Variants in NFIA observed in about 807,000 individuals in gnomAD.
NFIA encodes the protein nuclear factor I A.
A neutral mutation model predicts 62.8 loss-of-function variants in NFIA; 8 were observed. That is an observed-to-expected ratio of 0.13 (90% confidence interval 0.07 to 0.23). The LOEUF (loss-of-function observed/expected upper bound fraction) is 0.23, where lower values mean the gene tolerates loss of function less well. NFIA is among the 10% of genes least tolerant of loss of function. The probability of loss-of-function intolerance (pLI) is 1.00; values close to 1 mark genes in which losing one functional copy is unlikely to be tolerated. For synonymous variants in NFIA, 235 were observed against 238.1 expected (o/e 0.99, Z 0.12); for missense variants, 410 against 642.1 (o/e 0.64, Z 3.91).
chr1:61,215,637 GA>G (rs1267296941), intron 2 of NFIA, among the ~76,000 whole-genome samples: 1 of 152,092 alleles, frequency 6.6e-6, no homozygotes, highest in Non-Finnish European at 1.5e-5. Context: ...AAGTAAATGA[GA>G]TAAGCCAATT....
At chr1:61,144,917 C>T (rs537849378) in intron 2 of NFIA, among the ~76,000 whole-genome samples, 3 of 24,194 alleles carry the variant, frequency 1.2e-4, no homozygotes, top group South Asian at 1.3e-3. Context: ...AGCATCAAGG[C>T]GCACCTGACA....
chr1:61,438,899 C>T (rs1196682082), intron 10 of NFIA, among the ~76,000 whole-genome samples: 2 of 151,722 alleles, frequency 1.3e-5, no homozygotes, highest in Non-Finnish European at 2.9e-5. Context: ...ACTGAAATAC[C>T]GCAGGGACTT....
chr1:61,199,516 GT>G (rs1259279550), intron 2 of NFIA, among the ~76,000 whole-genome samples: 1 of 152,104 alleles, frequency 6.6e-6, no homozygotes, highest in African/African-American at 2.4e-5. Flanking sequence ...TATCTCGTGA[GT>G]AGTAGACATG....
In NFIA at chr1:61,100,751, C is replaced by G. The variant is rs1431139832; in HGVS notation, c.559+12071C>G. Among the ~76,000 whole-genome samples, 7 of 151,998 alleles carry G rather than the reference C, an allele frequency of 4.6e-5. No homozygotes were observed. The East Asian group carries it at 1.4e-3, about 30-fold the overall frequency. ...GGGACTAAAGGTGAATCCCAACACC[C>G]TGGGCTAACTTAAAAAAATATTTTG... On this transcript the variant is annotated intron_variant, in intron 2 of 10. Transcript: ENST00000403491.
chr1:61,168,585 G>A (rs1452383742), intron 2 of NFIA, among the ~76,000 whole-genome samples: 2 of 152,176 alleles, frequency 1.3e-5, no homozygotes, highest in Non-Finnish European at 2.9e-5. Context: ...TGAAGATTAT[G>A]AACACCAACA....
intron 4 of NFIA, among the ~76,000 whole-genome samples, chr1:61,347,669 T>C (rs1662314295): frequency 6.6e-6 from 1 of 152,174 alleles, no homozygotes; most frequent in South Asian, 2.1e-4. Context: ...CCTAGCACAT[T>C]CTTTGCATTT....
intron 2 of NFIA, chr1:61,125,218 T>G (rs1029752851): frequency 1.3e-5 from 2 of 152,224 alleles, no homozygotes; most frequent in Non-Finnish European, 2.9e-5. Context: ...TGTTGTTGTT[T>G]ATGAATGGCC....
chr1:61,388,191 G>A (rs115261718), intron 7 of NFIA, among the ~76,000 whole-genome samples: 3,690 of 152,266 alleles, frequency 0.024, 57 homozygotes, highest in Non-Finnish European at 0.04. Context: ...ATATCCTATC[G>A]ATAGGGGGAA....
At chr1:61,163,102 CT>C (rs1649326780) in intron 2 of NFIA, among the ~76,000 whole-genome samples, 1 of 151,912 alleles carries the variant, frequency 6.6e-6, no homozygotes, top group African/African-American at 2.4e-5. Flanking sequence ...AAGGAAGTGC[CT>C]TTTGAAAAAA....
chr1:61,254,410 G>A (rs1656242645), intron 2 of NFIA, among the ~76,000 whole-genome samples: 1 of 152,144 alleles, frequency 6.6e-6, no homozygotes, highest in South Asian at 2.1e-4. Flanking sequence ...CAAGGATCCA[G>A]TAAATGATAG....
At chr1:61,436,192 A>G (rs560512411) in intron 10 of NFIA, among the ~76,000 whole-genome samples, 1 of 152,254 alleles carries the variant, frequency 6.6e-6, no homozygotes, top group Admixed American at 6.5e-5. Flanking sequence ...CAGAGTGCTT[A>G]CCAAACAGGC....
At chr1:61,352,657 G>A (rs755933931) in intron 5 of NFIA, 90 bp downstream of exon 5, 47 of 1,004,018 alleles carry the variant, frequency 4.7e-5, no homozygotes, top group African/African-American at 1.9e-4. Context: ...TTAGCAATGC[G>A]CCTTTAGTAA....
intron 2 of NFIA, among the ~76,000 whole-genome samples, chr1:61,194,652 G>T (rs1221824066): frequency 6.6e-6 from 1 of 152,170 alleles, no homozygotes; most frequent in South Asian, 2.1e-4. Flanking sequence ...ATATGGCCTT[G>T]ACTTCACCCT....
At chr1:61,227,657 TC>T (rs1362347917) in intron 2 of NFIA, among the ~76,000 whole-genome samples, 1 of 152,220 alleles carries the variant, frequency 6.6e-6, no homozygotes, top group Non-Finnish European at 1.5e-5. Context: ...TTCATGTTTT[TC>T]TTCTTTTATG....
At chr1:61,183,824 C>G (rs1204549315) in intron 2 of NFIA, among the ~76,000 whole-genome samples, 1 of 152,004 alleles carries the variant, frequency 6.6e-6, no homozygotes, top group Non-Finnish European at 1.5e-5. Context: ...CCCTTTCCAC[C>G]GTGACATGGT....
chr1:61,159,724 C>T (rs1277155753), intron 2 of NFIA, among the ~76,000 whole-genome samples: 9 of 145,984 alleles, frequency 6.2e-5, no homozygotes, highest in Non-Finnish European at 8.9e-5. Context: ...CTCTGTTGCC[C>T]GGGCTGGAGT....
intron 3 of NFIA, among the ~76,000 whole-genome samples, chr1:61,293,935 G>C (rs543206078): frequency 1.0e-3 from 157 of 152,326 alleles, no homozygotes; most frequent in Non-Finnish European, 8.4e-4. Context: ...AGTGGCACCA[G>C]TGAAGTTGCT....
intron 2 of NFIA, among the ~76,000 whole-genome samples, chr1:61,104,594 A>G (rs960923307): frequency 6.6e-6 from 1 of 151,922 alleles, no homozygotes; most frequent in Non-Finnish European, 1.5e-5. Flanking sequence ...CTTCCCCCCA[A>G]CACATACAGC....
chr1:61,207,422 T>C (rs1652972110), intron 2 of NFIA, among the ~76,000 whole-genome samples: 1 of 152,184 alleles, frequency 6.6e-6, no homozygotes, highest in Admixed American at 6.5e-5. Context: ...TTTTTATTGT[T>C]TTTTAACTTC....
Sources: allele counts gnomAD v4.1 joint callset (sites outside exome capture counted in the v4.1 genomes callset), GRCh38; gene constraint gnomAD v4.1.1; transcripts MANE v1.5; gene names NCBI Gene and HGNC (gene_info 2026-07-23, HGNC 2026-07-21).